Variants in ZSCAN5A observed in about 807,000 individuals in gnomAD.
ZSCAN5A encodes the protein zinc finger and SCAN domain containing 5A.
In ZSCAN5A, 12 loss-of-function variants were observed where a neutral mutation model predicts 23.7. The observed-to-expected ratio is 0.51, with a 90% CI of 0.32 to 0.82. The LOEUF is 0.82. Among genes scored for constraint, ZSCAN5A ranks in the 40% least tolerant of loss-of-function variants. The pLI, the probability that ZSCAN5A is intolerant of heterozygous loss-of-function variation, is 0.03. For missense variants in ZSCAN5A, 597 were observed against 617.9 expected (o/e 0.97, Z 0.36); for synonymous variants, 257 against 239.9 (o/e 1.07, Z -0.66).
At chr19:56,299,350 C>G (rs1201283772) in intron 2 of ZSCAN5A, among the ~76,000 whole-genome samples, 2 of 151,870 alleles carry the variant, frequency 1.3e-5, no homozygotes, top group Admixed American at 6.6e-5. Context: ...CCAGGCTGGT[C>G]TCAAATTCCT....
intron 2 of ZSCAN5A, among the ~76,000 whole-genome samples, chr19:56,256,806 G>A (rs1399902072): frequency 6.6e-6 from 1 of 152,192 alleles, no homozygotes; most frequent in Non-Finnish European, 1.5e-5. Flanking sequence ...TGAGTTCAGG[G>A]AAGGGCTGTT....
chr19:56,222,062 G>A lies in ZSCAN5A; in HGVS notation c.1004C>T (p.Ser335Phe). ...ACTGACTGGGCTCGCAGGGCCTGGG[G>A]AATGAATTGAATTCATCCCAGCTTG... is the stretch of plus-strand genomic sequence containing the variant. ...PGQAGMNSIH[S>F]PGPASPVSHP... The change falls in exon 6 of 6, where the codon TCC becomes TTC. Residue 335 changes from serine to phenylalanine, a missense_variant. By Grantham distance (155) the Ser-to-Phe change is radical. Transcript: ENST00000683990. 6.2e-7 allele frequency: 1 copy of A among 1,614,184 alleles called. No homozygotes were observed. Among genetic ancestry groups the A allele is most frequent in the Non-Finnish European group, 8.5e-7 (1 of 1,180,030 alleles).
At chr19:56,318,123 GTGTGTGTGTGTGAGAGT>G (rs2041336611), upstream of ZSCAN5A, 1 of 152,090 alleles carries the variant, frequency 6.6e-6, no homozygotes, top group Admixed American at 6.6e-5. Flanking sequence ...TGGCTGGTGT[GTGTGTGTGTGTGAGAGT>G]TGTGTGTGTG....
intron 2 of ZSCAN5A, among the ~76,000 whole-genome samples, chr19:56,337,822 T>C (rs1198547594): frequency 6.6e-6 from 1 of 152,242 alleles, no homozygotes; most frequent in Admixed American, 6.5e-5. Flanking sequence ...TTTATCTAGT[T>C]CTGTGTGTGT....
chr19:56,287,167 C>T (rs2039186400), intron 2 of ZSCAN5A, among the ~76,000 whole-genome samples: 1 of 152,204 alleles, frequency 6.6e-6, no homozygotes, highest in South Asian at 2.1e-4. Context: ...GTGGTGAAAC[C>T]ACCATGCACT....
At chr19:56,346,532 A>G (rs968612346) in intron 2 of ZSCAN5A, among the ~76,000 whole-genome samples, 1 of 151,888 alleles carries the variant, frequency 6.6e-6, no homozygotes. Flanking sequence ...TCTAGAAAAA[A>G]AAAAAAGAAA....
chr19:56,302,913 C>T (rs1019108733), intron 2 of ZSCAN5A: 1 of 398,522 alleles, frequency 2.5e-6, no homozygotes, highest in South Asian at 1.3e-4. Flanking sequence ...TCAAGAAGGT[C>T]CTAATTCTGT....
chr19:56,221,433 T>C lies in ZSCAN5A; in HGVS notation c.*142A>G. On this transcript the variant is annotated 3_prime_UTR_variant, in exon 6 of 6. Transcript: ENST00000683990. ...CTCAGTGGGGAGGACACATATTTAC[T>C]CAAACATCCTGGCAATTCATATCTA... 1.0e-6 allele frequency: 1 copy of C among 984,694 alleles called. No individual in the cohort carries two copies. The highest frequency in any genetic ancestry group is 2.0e-5 in the South Asian group (1 of 50,900). The allele number at this position is 984,694 out of a possible 1,614,324, so 61.0% of individuals were successfully genotyped here.
chr19:56,310,725 T>C (rs1195384708), intron 2 of ZSCAN5A, among the ~76,000 whole-genome samples: 1 of 152,344 alleles, frequency 6.6e-6, no homozygotes, highest in Non-Finnish European at 1.5e-5. Context: ...GATATGGCTG[T>C]TCCAGGAGGA....
At chr19:56,326,448 GT>G (rs2041435242) in intron 2 of ZSCAN5A, among the ~76,000 whole-genome samples, 2 of 152,110 alleles carry the variant, frequency 1.3e-5, no homozygotes, top group African/African-American at 4.8e-5. Context: ...ATAGCTGAAA[GT>G]TTCTGCCCTT....
chr19:56,351,251 T>G lies in ZSCAN5A; in HGVS notation c.-358+11984A>C, dbSNP rs1205073806. 2.6e-5 allele frequency among the ~76,000 whole-genome samples: 4 copies of G among 152,168 alleles called. No homozygotes were observed. The highest frequency in any genetic ancestry group is 5.9e-5 in the Non-Finnish European group (4 of 68,030). ...AGGGCCGGGCTGACAAGCTTTGATA[T>G]GCAAATGCTGGCCACTAGAAACTGG... On this transcript the variant is annotated intron_variant, in intron 2 of 6. Transcript: ENST00000587340. This position sits in a 1 kb window ranked among gnomAD's most constrained non-coding sequence, Gnocchi z 4.8.
At chr19:56,308,688 G>A (rs555122844) in intron 2 of ZSCAN5A, among the ~76,000 whole-genome samples, 6 of 149,436 alleles carry the variant, frequency 4.0e-5, no homozygotes, top group Non-Finnish European at 7.4e-5. Context: ...TTATGCCATT[G>A]CACACATTGA....
chr19:56,294,979 G>T (rs7259945), intron 2 of ZSCAN5A: 52,861 of 152,098 alleles, frequency 0.35, 10,099 homozygotes, highest in East Asian at 0.74. Flanking sequence ...CGCGGGAGAG[G>T]GGGGTGAGCC....
chr19:56,295,222 AAAC>A (rs1419714187), intron 2 of ZSCAN5A: 1 of 152,150 alleles, frequency 6.6e-6, no homozygotes, highest in Non-Finnish European at 1.5e-5. Flanking sequence ...AAAGTTCAGA[AAAC>A]AACAACGGGT....
intron 2 of ZSCAN5A, among the ~76,000 whole-genome samples, chr19:56,267,586 T>C (rs1600136042): frequency 6.6e-6 from 1 of 152,316 alleles, no homozygotes; most frequent in East Asian, 1.9e-4. Context: ...CCATTCTGGG[T>C]AGCACGGATA....
Position 56,221,878 on chromosome 19 carries a change from A to G in ZSCAN5A, c.1188T>C (p.Leu396=), listed in dbSNP as rs1278029108. 1.1e-5 allele frequency: 18 copies of G among 1,613,856 alleles called. No homozygotes were observed. The highest frequency in any genetic ancestry group is 2.5e-6 in the Non-Finnish European group (3 of 1,179,976). ...TTCGCTGGTGAAATTGGAGGCTAAT[A>G]AGCTGCATGAAGCGCTTCCCACAGA... ...CNLCGKRFMQ[L]ISLQFHQRTH... Residue 396 remains leucine (L), a synonymous_variant, in exon 6 of 6, where the codon CTT becomes CTC. Coordinates refer to ENST00000683990, the MANE Select transcript of ZSCAN5A (RefSeq NM_001322064.3).
At chr19:56,346,702 T>G (rs1422514918) in intron 2 of ZSCAN5A, among the ~76,000 whole-genome samples, 1 of 151,220 alleles carries the variant, frequency 6.6e-6, no homozygotes, top group Non-Finnish European at 1.5e-5. Context: ...TCTCTATTAC[T>G]TTTTTTTATT....
upstream of ZSCAN5A, chr19:56,319,807 T>A: frequency 1.3e-6 from 1 of 777,256 alleles, no homozygotes. Flanking sequence ...CCACTGGAAT[T>A]GGGACTCTTC....
rs11374260 is a variant in ZSCAN5A, at chr19:56,284,513, A to ATTTTT, written c.-128+28765_-128+28769dup. On this transcript the variant is annotated intron_variant, in intron 2 of 5. Transcript: ENST00000683990. Reference sequence around the variant, plus strand: ...TTAGAGACAAGTGATGCTTGCTGTAATTTTTTTTTTTTTTTTTTTTTGAGA... The same window carrying ATTTTT: ...TTAGAGACAAGTGATGCTTGCTGTAATTTTTTTTTTTTTTTTTTTTTTTTTTGAGA... 1.9e-3 allele frequency among the ~76,000 whole-genome samples: 229 copies of ATTTTT among 118,278 alleles called. 6 individuals are homozygous for ATTTTT. Among genetic ancestry groups the ATTTTT allele is most frequent in the South Asian group, 0.011 (38 of 3,338 alleles). The allele number at this position is 118,278 out of a possible 152,430, so 77.6% of individuals were successfully genotyped here. A position where few individuals can be genotyped will look rare whatever the true frequency, so the allele number is the denominator to read the frequency against.
Sources: gnomAD v4.1 joint callset for allele counts (sites outside exome capture counted in the v4.1 genomes callset) on GRCh38, gnomAD v4.1.1 for gene constraint, Gnocchi (gnomAD v3.1) non-coding constraint, MANE v1.5 for transcripts, NCBI Gene and HGNC (gene_info 2026-07-23, HGNC 2026-07-21) for gene names.